The following SIK3 variants were observed in gnomAD, a reference collection of about 807,000 sequenced individuals.
SIK3 encodes serine/threonine-protein kinase SIK3.
SIK3 carries 28 observed loss-of-function variants against 144.2 expected under a neutral mutation model. The observed-to-expected ratio is 0.19, with a 90% confidence interval of 0.14 to 0.27. The LOEUF (loss-of-function observed/expected upper bound fraction) is 0.27. Ranked by LOEUF, SIK3 falls within the 10% of genes least tolerant of loss-of-function variation. SIK3 has a pLI of 1.00. For synonymous variants in SIK3, 686 were observed against 676.3 expected (o/e 1.01, Z -0.22); for missense variants, 1,319 against 1,776.0 (o/e 0.74, Z 4.62).
intron 1 of SIK3, among the ~76,000 whole-genome samples, chr11:117,053,066 C>T (rs555724698): frequency 7.2e-5 from 11 of 152,060 alleles, no homozygotes; most frequent in Non-Finnish European, 1.6e-4. Context: ...AGGCCGGGCG[C>T]GGTGGCTCAT....
At chr11:116,862,671 T>C (rs1431728602) in intron 16 of SIK3, among the ~76,000 whole-genome samples, 2 of 152,130 alleles carry the variant, frequency 1.3e-5, no homozygotes, top group Non-Finnish European at 1.5e-5. Flanking sequence ...CAGAAACATA[T>C]AGAGGTACAT....
intron 1 of SIK3, among the ~76,000 whole-genome samples, chr11:116,985,597 T>C (rs1950300603): frequency 6.6e-6 from 1 of 152,204 alleles, no homozygotes; most frequent in African/African-American, 2.4e-5. Flanking sequence ...CCTCCATTTG[T>C]ATCTTTGGAA....
intron 1 of SIK3, among the ~76,000 whole-genome samples, chr11:117,051,970 C>T (rs904672552): frequency 4.0e-5 from 6 of 151,496 alleles, no homozygotes; most frequent in African/African-American, 1.2e-4. Context: ...GGTGAAATCC[C>T]GTCTCTAATA....
At chr11:117,019,309 G>A (rs1396024553) in intron 1 of SIK3, among the ~76,000 whole-genome samples, 1 of 152,072 alleles carries the variant, frequency 6.6e-6, no homozygotes, top group Admixed American at 6.6e-5. Flanking sequence ...GTGAGCCACC[G>A]CACACGGTCT....
chr11:116,938,544 AGGGG>A (rs1271343609), intron 3 of SIK3, among the ~76,000 whole-genome samples: 12 of 702 alleles, frequency 0.017, no homozygotes, highest in Admixed American at 0.16. Flanking sequence ...ACGGAAGGGG[AGGGG>A]AGGGGAGGGG....
At chr11:117,056,653 C>A (rs140517729) in intron 1 of SIK3, among the ~76,000 whole-genome samples, 1 of 151,470 alleles carries the variant, frequency 6.6e-6, no homozygotes, top group East Asian at 2.0e-4. Flanking sequence ...GGTGAACACA[C>A]AGAGCTTCTA....
At chr11:117,031,399 G>T (rs1952251899) in intron 1 of SIK3, among the ~76,000 whole-genome samples, 1 of 144,484 alleles carries the variant, frequency 6.9e-6, no homozygotes. Context: ...CTGTCCAGTT[G>T]CTCCAGCACC....
At chr11:117,022,892 T>A (rs763614871) in intron 1 of SIK3, among the ~76,000 whole-genome samples, 11 of 151,802 alleles carry the variant, frequency 7.2e-5, no homozygotes, top group Non-Finnish European at 1.3e-4. Context: ...AAAACCCACT[T>A]CCATCTTACC....
intron 9 of SIK3, 119 bp downstream of exon 9, chr11:116,875,747 G>A: frequency 8.1e-7 from 1 of 1,228,378 alleles, no homozygotes; most frequent in Admixed American, 2.4e-5. Flanking sequence ...ATGACAAATG[G>A]GAGGAGACAG....
At chr11:117,097,718 CTT>C (rs1955542071) in intron 1 of SIK3, among the ~76,000 whole-genome samples, 2 of 152,230 alleles carry the variant, frequency 1.3e-5, no homozygotes, top group Non-Finnish European at 2.9e-5. Flanking sequence ...CCACTTCACC[CTT>C]GTTTTTCCCC....
intron 1 of SIK3, among the ~76,000 whole-genome samples, chr11:117,060,877 G>A (rs1242103742): frequency 1.3e-5 from 2 of 152,166 alleles, no homozygotes; most frequent in Non-Finnish European, 2.9e-5. Flanking sequence ...AAATCGTGAG[G>A]ACAGGCAGAG....
chr11:117,046,708 G>A (rs960349359), intron 1 of SIK3, among the ~76,000 whole-genome samples: 3 of 152,060 alleles, frequency 2.0e-5, no homozygotes, highest in East Asian at 1.9e-4. Context: ...GCAAAACCCC[G>A]TCTCTACAAA....
intron 4 of SIK3, among the ~76,000 whole-genome samples, chr11:116,909,418 G>C (rs953393971): frequency 1.3e-5 from 2 of 152,102 alleles, no homozygotes; most frequent in Non-Finnish European, 2.9e-5. Flanking sequence ...TTGTGATGAG[G>C]TGTACAGCCT....
intron 1 of SIK3, among the ~76,000 whole-genome samples, chr11:116,996,308 C>CA (rs1330213364): frequency 2.7e-5 from 4 of 146,730 alleles, no homozygotes; most frequent in African/African-American, 5.0e-5. Context: ...ATTCTGTCTC[C>CA]AAAAAAAATA....
intron 21 of SIK3, among the ~76,000 whole-genome samples, chr11:116,855,102 A>AAAAAAAAAAAC (rs1168132311): frequency 6.9e-6 from 1 of 144,328 alleles, no homozygotes; most frequent in Non-Finnish European, 1.5e-5. Context: ...AAAAAAAAAA[A>AAAAAAAAAAAC]AAAAAAACTT....
chr11:116,975,201 TTTA>T (rs1201908310), intron 1 of SIK3, among the ~76,000 whole-genome samples: 7 of 145,426 alleles, frequency 4.8e-5, no homozygotes, highest in Admixed American at 4.7e-4. Flanking sequence ...AAAAAGCAGC[TTTA>T]TTGAGATATT....
At chr11:117,090,008 T>C (rs1242684985) in intron 1 of SIK3, among the ~76,000 whole-genome samples, 1 of 152,230 alleles carries the variant, frequency 6.6e-6, no homozygotes, top group Non-Finnish European at 1.5e-5. Flanking sequence ...TGATGGCTCA[T>C]CCAACAGTTC....
At chr11:116,897,858 G>A (rs1194227210) in intron 4 of SIK3, among the ~76,000 whole-genome samples, 1 of 151,856 alleles carries the variant, frequency 6.6e-6, no homozygotes, top group Admixed American at 6.5e-5. Flanking sequence ...ACTCCAGCCT[G>A]GGCGACAGAG....
intron 1 of SIK3, among the ~76,000 whole-genome samples, chr11:116,998,326 C>G (rs1377219004): frequency 2.0e-5 from 3 of 151,884 alleles, no homozygotes; most frequent in Non-Finnish European, 4.4e-5. Context: ...AAAAAATTAG[C>G]CAGGCATGGT....
Sources: gnomAD v4.1 joint callset for allele counts (sites outside exome capture counted in the v4.1 genomes callset) on GRCh38, gnomAD v4.1.1 for gene constraint, MANE v1.5 for transcripts, NCBI Gene and HGNC (gene_info 2026-07-23, HGNC 2026-07-21) for gene names.